PDZRN4: variants seen among roughly 807,000 people sequenced by gnomAD.
PDZRN4 encodes PDZ domain containing ring finger 4, also known as PDZ domain-containing RING finger protein 4.
In PDZRN4, 70 loss-of-function variants were observed where a neutral mutation model predicts 99.0. The observed-to-expected ratio is 0.71, with a 90% CI of 0.58 to 0.86. The LOEUF is 0.86. Ranked by LOEUF, PDZRN4 falls within the 40% of genes least tolerant of loss-of-function variation. The pLI, the probability that PDZRN4 is intolerant of heterozygous loss-of-function variation, is 0.00. For synonymous variants in PDZRN4, 551 were observed against 501.6 expected (o/e 1.10, Z -1.32); for missense variants, 1,474 against 1,331.2 (o/e 1.11, Z -1.67).
chr12:41,540,903 C>CGTTGTTGTT (rs199757826), intron 5 of PDZRN4, among the ~76,000 whole-genome samples: 601 of 50,276 alleles, frequency 0.012, 1 homozygote, highest in Middle Eastern at 0.02. Flanking sequence ...CCCTTTTCTT[C>CGTTGTTGTT]GTTGTTGTTG....
At chr12:41,388,564 A>C (rs1161570781) in intron 3 of PDZRN4, among the ~76,000 whole-genome samples, 2 of 152,166 alleles carry the variant, frequency 1.3e-5, no homozygotes, top group Non-Finnish European at 2.9e-5. Context: ...TGTTTTGAGA[A>C]TAGACTGTAA....
chr12:41,379,919 A>T (rs1952111018), intron 3 of PDZRN4, among the ~76,000 whole-genome samples: 1 of 152,112 alleles, frequency 6.6e-6, no homozygotes, highest in South Asian at 2.1e-4. Context: ...TCATGTGATT[A>T]TCTATTCCTT....
chr12:41,349,614 C>G (rs1951877144), intron 3 of PDZRN4, among the ~76,000 whole-genome samples: 1 of 151,932 alleles, frequency 6.6e-6, no homozygotes, highest in Admixed American at 6.6e-5. Context: ...ATGTGTCCTT[C>G]CTTAAAAACA....
intron 3 of PDZRN4, among the ~76,000 whole-genome samples, chr12:41,391,402 A>G (rs1268224636): frequency 6.6e-6 from 1 of 152,170 alleles, no homozygotes; most frequent in Non-Finnish European, 1.5e-5. Flanking sequence ...TATGAATGGT[A>G]CTTGACAATC....
rs374645706 is a variant in PDZRN4, at chr12:41,317,048, G to GTATACATATATA, written c.843+122864_843+122865insCATATATATATA. Among the ~76,000 whole-genome samples, 118 of 69,568 alleles carry GTATACATATATA rather than the reference G, an allele frequency of 1.7e-3. 10 individuals are homozygous for GTATACATATATA. The highest frequency in any genetic ancestry group is 1.7e-3 in the East Asian group (4 of 2,424). 45.6% of individuals were successfully genotyped at this position (69,568 alleles called of 152,430 possible). A position where few individuals can be genotyped will look rare whatever the true frequency, so the allele number is the denominator to read the frequency against. On this transcript the variant is annotated intron_variant, in intron 3 of 9. Coordinates refer to ENST00000402685, the MANE Select transcript of PDZRN4 (RefSeq NM_001164595.2). ...TCCAGAGAATCATAACTTACATAAA[G>GTATACATATATA]TATATATATATATATATATATATAT...
At chr12:41,237,571 G>C (rs1286819342) in intron 3 of PDZRN4, among the ~76,000 whole-genome samples, 1 of 152,030 alleles carries the variant, frequency 6.6e-6, no homozygotes, top group Non-Finnish European at 1.5e-5. Context: ...GTATTGCCTA[G>C]ATTTTCTTCT....
At chr12:41,385,138 G>A (rs1178414905) in intron 3 of PDZRN4, among the ~76,000 whole-genome samples, 1 of 152,116 alleles carries the variant, frequency 6.6e-6, no homozygotes, top group African/African-American at 2.4e-5. Context: ...AAATGTGTAA[G>A]GAAATAATAC....
At chr12:41,421,862 A>G (rs76015005) in intron 3 of PDZRN4, among the ~76,000 whole-genome samples, 3,671 of 152,328 alleles carry the variant, frequency 0.024, 124 homozygotes, top group African/African-American at 0.08. Flanking sequence ...ATGTACATGT[A>G]TCATATGTTT....
chr12:41,487,645 C>G (rs971542101), intron 3 of PDZRN4, among the ~76,000 whole-genome samples: 2 of 152,158 alleles, frequency 1.3e-5, no homozygotes, highest in Non-Finnish European at 2.9e-5. Context: ...CAACAATATT[C>G]TTTAATTCAT....
chr12:41,284,393 T>C (rs1264134356), intron 3 of PDZRN4, among the ~76,000 whole-genome samples: 1 of 152,164 alleles, frequency 6.6e-6, no homozygotes, highest in Non-Finnish European at 1.5e-5. Flanking sequence ...CCCATGCTGA[T>C]GGATAGGAGG....
At chr12:41,288,850 C>T (rs1250409567) in intron 3 of PDZRN4, among the ~76,000 whole-genome samples, 3 of 151,922 alleles carry the variant, frequency 2.0e-5, no homozygotes, top group Non-Finnish European at 4.4e-5. Context: ...ACTATCCAAG[C>T]CTTCTGTATG....
At chr12:41,255,782 G>A (rs1269428269) in intron 3 of PDZRN4, among the ~76,000 whole-genome samples, 2 of 152,152 alleles carry the variant, frequency 1.3e-5, no homozygotes. Flanking sequence ...AGAAGGTGAC[G>A]GGGGAGTCAG....
chr12:41,442,837 A>G (rs1952691546), intron 3 of PDZRN4, among the ~76,000 whole-genome samples: 2 of 152,094 alleles, frequency 1.3e-5, no homozygotes, highest in South Asian at 4.1e-4. Context: ...AGAGACATCT[A>G]AGAAATGAAA....
chr12:41,213,501 TG>T (rs1259597628), intron 3 of PDZRN4, among the ~76,000 whole-genome samples: 1 of 152,080 alleles, frequency 6.6e-6, no homozygotes, highest in Non-Finnish European at 1.5e-5. Context: ...ACAGTTCACT[TG>T]TACAGCCATT....
At chr12:41,549,129 G>T (rs1939011679) in intron 5 of PDZRN4, among the ~76,000 whole-genome samples, 1 of 152,122 alleles carries the variant, frequency 6.6e-6, no homozygotes, top group Non-Finnish European at 1.5e-5. Flanking sequence ...TGCAGGCTTG[G>T]CATTGATTTG....
intron 3 of PDZRN4, among the ~76,000 whole-genome samples, chr12:41,264,643 T>C (rs1951264804): frequency 6.6e-6 from 1 of 152,226 alleles, no homozygotes; most frequent in African/African-American, 2.4e-5. Flanking sequence ...TTTTAATCTT[T>C]TATTTATATT....
At chr12:41,290,695 A>G (rs1951451882) in intron 3 of PDZRN4, among the ~76,000 whole-genome samples, 1 of 152,154 alleles carries the variant, frequency 6.6e-6, no homozygotes. Flanking sequence ...TCTATGAGGT[A>G]TAATTTCATA....
intron 5 of PDZRN4, among the ~76,000 whole-genome samples, chr12:41,525,258 A>T (rs1938549981): frequency 1.3e-5 from 2 of 152,166 alleles, no homozygotes; most frequent in Non-Finnish European, 2.9e-5. Context: ...TATTACCAAC[A>T]AACTAGAGGT....
chr12:41,348,134 G>A (rs1340943641), intron 3 of PDZRN4, among the ~76,000 whole-genome samples: 2 of 152,040 alleles, frequency 1.3e-5, no homozygotes, highest in Admixed American at 6.6e-5. Flanking sequence ...AAAAATAAAG[G>A]TAAAGTTTTG....
Sources: gnomAD v4.1 joint callset for allele counts (sites outside exome capture counted in the v4.1 genomes callset) on GRCh38, gnomAD v4.1.1 for gene constraint, MANE v1.5 for transcripts, NCBI Gene and HGNC (gene_info 2026-07-23, HGNC 2026-07-21) for gene names.